Variants in CDH3 observed in about 807,000 individuals in gnomAD.
CDH3 encodes the protein cadherin 3, also known as cadherin-3.
A neutral mutation model predicts 82.0 loss-of-function variants in CDH3; 54 were observed. That is an observed-to-expected ratio of 0.66 (90% CI 0.53 to 0.83). The LOEUF (loss-of-function observed/expected upper bound fraction) is 0.83, where lower values mean the gene tolerates loss of function less well. Among genes scored for constraint, CDH3 ranks in the 40% least tolerant of loss-of-function variants. The pLI is 0.00. For missense variants in CDH3, 1,054 were observed against 1,084.6 expected (o/e 0.97, Z 0.40); for synonymous variants, 446 against 437.9 (o/e 1.02, Z -0.23).
At chr16:68,728,153 A>T (rs910412965), downstream of CDH3, among the ~76,000 whole-genome samples, 4 of 98,618 alleles carry the variant, frequency 4.1e-5, no homozygotes, top group African/African-American at 6.6e-5. Context: ...ACAGTACCTT[A>T]TGAGGTTTTT....
intron 1 of CDH3, among the ~76,000 whole-genome samples, chr16:68,721,515 T>TA (rs1962164568): frequency 6.6e-6 from 1 of 152,118 alleles, no homozygotes; most frequent in Non-Finnish European, 1.5e-5. Flanking sequence ...ATTAAAGGCA[T>TA]GAGCCACCGC....
chr16:68,714,769 C>T (rs1406339606), intron 1 of CDH3, among the ~76,000 whole-genome samples: 1 of 152,296 alleles, frequency 6.6e-6, no homozygotes, highest in Non-Finnish European at 1.5e-5. Context: ...GTAATCCCAG[C>T]GCTTTGGGAA....
chr16:68,694,535 T>C (rs1961656573), intron 13 of CDH3, among the ~76,000 whole-genome samples: 1 of 150,196 alleles, frequency 6.7e-6, no homozygotes, highest in Non-Finnish European at 1.5e-5. Context: ...GGCAGGAGAA[T>C]GGCTTGAACC....
In CDH3 at chr16:68,707,320, T is replaced by C. The variant is rs1961977278; in HGVS notation, c.99+11397T>C. Among the ~76,000 whole-genome samples, 1 of 152,186 alleles carries C rather than the reference T, an allele frequency of 6.6e-6. No homozygotes were observed. The highest frequency in any genetic ancestry group is 6.5e-5 in the Admixed American group (1 of 15,278). On this transcript the variant is annotated intron_variant, in intron 1 of 2. Coordinates refer to the CDH3 transcript ENST00000569080. The surrounding 1 kb of genome is among the most constrained non-coding windows in gnomAD (Gnocchi z 4.5). ...AGGCGCCCAGTCCTGGGTGTCCTCC[T>C]TCACGCCTGGGCTGGAGGCTGAGTT... is the stretch of plus-strand genomic sequence containing the variant.
intron 12 of CDH3, among the ~76,000 whole-genome samples, chr16:68,690,042 G>A (rs950939077): frequency 3.9e-5 from 6 of 152,088 alleles, no homozygotes; most frequent in Non-Finnish European, 7.4e-5. Context: ...TATTATGTTC[G>A]TCACCCACAC....
chr16:68,646,339 G>T (rs1474047583), intron 2 of CDH3, among the ~76,000 whole-genome samples: 1 of 152,128 alleles, frequency 6.6e-6, no homozygotes, highest in Non-Finnish European at 1.5e-5. Flanking sequence ...CCTGGGCTGG[G>T]GCCATCACGT....
At chr16:68,721,291 T>C (rs1402605485) in intron 1 of CDH3, among the ~76,000 whole-genome samples, 1 of 144,544 alleles carries the variant, frequency 6.9e-6, no homozygotes, top group Non-Finnish European at 1.5e-5. Flanking sequence ...TGGAGTGCAG[T>C]AGCACGATCT....
rs192985217 is a variant in CDH3, at chr16:68,690,336, G to A, written c.1796-1384G>A. On this transcript the variant is annotated intron_variant, in intron 12 of 15. Coordinates refer to ENST00000264012, the MANE Select transcript of CDH3 (RefSeq NM_001793.6). ...CGTTTAGTTTTATTAATAATTGAAT[G>A]CGGCCTGGCATTGTGGCTCAGGCCT... 2.4e-3 allele frequency among the ~76,000 whole-genome samples: 361 copies of A among 152,296 alleles called. 1 individual carries two copies. The highest frequency in any genetic ancestry group is 3.9e-3 in the Non-Finnish European group (266 of 68,016).
intron 2 of CDH3, among the ~76,000 whole-genome samples, chr16:68,654,693 ACT>A (rs1262215949): frequency 1.8e-5 from 2 of 109,466 alleles, no homozygotes; most frequent in African/African-American, 3.8e-5. Flanking sequence ...ACCGAGCAAG[ACT>A]CTGTCTCAAA....
intron 13 of CDH3, among the ~76,000 whole-genome samples, chr16:68,692,462 C>T (rs1374954297): frequency 1.3e-5 from 2 of 152,220 alleles, no homozygotes; most frequent in African/African-American, 4.8e-5. Flanking sequence ...ATCAGGTCAT[C>T]TGGAGGGGCC....
chr16:68,687,556 A>G lies in CDH3; in HGVS notation c.1615A>G (p.Ile539Val). ...CACGGGAACCCTTCTGCTAACACTG[A>G]TTGATGTCAATGACCATGGCCCAGT... ...TGTGTLLLTL[I>V]DVNDHGPVPE... is the part of the protein sequence containing the mutation. The change falls in exon 12 of 16, where the codon ATT becomes GTT. Residue 539 changes from isoleucine to valine, a missense_variant. Ile to Val is a conservative substitution (Grantham distance 29). Coordinates refer to ENST00000264012, the MANE Select transcript of CDH3 (RefSeq NM_001793.6). 1 of 1,614,084 alleles carries G rather than the reference A, an allele frequency of 6.2e-7. No homozygotes were observed.
chr16:68,687,311 G>C (rs1300110195), intron 11 of CDH3, among the ~76,000 whole-genome samples: 1 of 152,192 alleles, frequency 6.6e-6, no homozygotes, highest in African/African-American at 2.4e-5. Flanking sequence ...TGAAGTGGCT[G>C]CAACTGTGTC....
chr16:68,712,061 A>G (rs1191861255), intron 1 of CDH3, among the ~76,000 whole-genome samples: 1 of 107,868 alleles, frequency 9.3e-6, no homozygotes, highest in Non-Finnish European at 1.9e-5. Context: ...TTTTTGAGAC[A>G]GACTCTCGCG....
At chr16:68,666,615 A>T (rs1028492110) in intron 2 of CDH3, among the ~76,000 whole-genome samples, 1 of 152,192 alleles carries the variant, frequency 6.6e-6, no homozygotes, top group Non-Finnish European at 1.5e-5. Flanking sequence ...GTGCGTGGAA[A>T]ATACTTGGTG....
At chr16:68,719,037 G>C (rs1458374364) in intron 1 of CDH3, among the ~76,000 whole-genome samples, 2 of 152,088 alleles carry the variant, frequency 1.3e-5, no homozygotes, top group Non-Finnish European at 2.9e-5. Context: ...GAGGTCAGCA[G>C]TTCAAGACCA....
chr16:68,729,312 T>A (rs552492818), downstream of CDH3, among the ~76,000 whole-genome samples: 13 of 152,086 alleles, frequency 8.5e-5, no homozygotes, highest in Admixed American at 1.3e-4. Context: ...CTCAGAAAAA[T>A]ATATATATGC....
intron 3 of CDH3, 21 bp downstream of exon 3, chr16:68,676,491 G>C (rs1257391327): frequency 1.3e-6 from 2 of 1,579,420 alleles, no homozygotes; most frequent in Non-Finnish European, 1.7e-6. Context: ...ATGTCCACCT[G>C]CAGGACAAAA....
At chr16:68,731,035 AAAAAAAAAAAAAATAT>A (rs1390145102), downstream of CDH3, among the ~76,000 whole-genome samples, 13 of 31,006 alleles carry the variant, frequency 4.2e-4, no homozygotes, top group Non-Finnish European at 9.3e-4. Context: ...AAAAAAAAAA[AAAAAAAAAAAAAATAT>A]ATATATATAT....
At chr16:68,659,868 G>C (rs1960513314) in intron 2 of CDH3, among the ~76,000 whole-genome samples, 1 of 150,730 alleles carries the variant, frequency 6.6e-6, no homozygotes, top group Middle Eastern at 3.4e-3. Context: ...ACAAGAATTG[G>C]ACTATATCAT....
Sources: allele counts gnomAD v4.1 joint callset (sites outside exome capture counted in the v4.1 genomes callset), GRCh38; gene constraint gnomAD v4.1.1; non-coding constraint Gnocchi (gnomAD v3.1); transcripts MANE v1.5; gene names NCBI Gene and HGNC (gene_info 2026-07-23, HGNC 2026-07-21).